Variants in ABLIM1 observed in about 807,000 individuals in gnomAD.
The protein encoded by ABLIM1 is actin binding LIM protein 1.
In ABLIM1, 40 loss-of-function variants were observed where a neutral mutation model predicts 107.0. The ratio of observed to expected loss-of-function variants is 0.37; its 90% confidence interval spans 0.29 to 0.49. The LOEUF (loss-of-function observed/expected upper bound fraction) is 0.49, where lower values mean the gene tolerates loss of function less well. ABLIM1 is among the 20% of genes least tolerant of loss of function. The pLI is 0.97. For synonymous variants in ABLIM1, 357 were observed against 357.3 expected, an observed-to-expected ratio of 1.00 and a Z score of 0.01; for missense variants, 857 against 1,008.5, an observed-to-expected ratio of 0.85 and a Z score of 2.04.
At chr10:114,618,006 G>A (rs2483602) in intron 1 of ABLIM1, among the ~76,000 whole-genome samples, 4,070 of 152,242 alleles carry the variant, frequency 0.027, 176 homozygotes, top group African/African-American at 0.092. Context: ...AATGCATGAT[G>A]GTAATTGCCT....
At chr10:114,493,106 A>G (rs2475228) in intron 6 of ABLIM1, among the ~76,000 whole-genome samples, 85,046 of 152,014 alleles carry the variant, frequency 0.56, 24,847 homozygotes, top group African/African-American at 0.74. Context: ...GTAGGGCTGG[A>G]GGAGAGTGGC....
chr10:114,514,809 A>G (rs1387437077), intron 6 of ABLIM1, among the ~76,000 whole-genome samples: 2 of 152,250 alleles, frequency 1.3e-5, no homozygotes, highest in African/African-American at 4.8e-5. Context: ...CTATTTCTAC[A>G]CTACTGTGAT....
At chr10:114,721,099 G>A (rs1195854693) in intron 1 of ABLIM1, among the ~76,000 whole-genome samples, 1 of 152,204 alleles carries the variant, frequency 6.6e-6, no homozygotes, top group Non-Finnish European at 1.5e-5. Flanking sequence ...GCTCAGTTGA[G>A]ATAAGGAGGG....
chr10:114,641,714 T>C (rs1271943779), intron 1 of ABLIM1, among the ~76,000 whole-genome samples: 1 of 151,760 alleles, frequency 6.6e-6, no homozygotes, highest in African/African-American at 2.4e-5. Flanking sequence ...CCAGACAGAG[T>C]AAGCAGTAAG....
intron 13 of ABLIM1, among the ~76,000 whole-genome samples, chr10:114,452,765 A>G (rs749177263): frequency 1.3e-5 from 2 of 152,208 alleles, no homozygotes; most frequent in Non-Finnish European, 2.9e-5. Flanking sequence ...ATGTCAAATT[A>G]CTATTTGCAT....
chr10:114,440,166 T>C (rs2059988527), intron 19 of ABLIM1, 77 bp from the exon 20 acceptor site: 2 of 1,410,386 alleles, frequency 1.4e-6, no homozygotes, highest in East Asian at 2.3e-5. Flanking sequence ...GACTATATTA[T>C]ATTGAAATTC....
At chr10:114,703,909 C>T (rs2081354738) in intron 1 of ABLIM1, among the ~76,000 whole-genome samples, 1 of 152,160 alleles carries the variant, frequency 6.6e-6, no homozygotes, top group Admixed American at 6.5e-5. Context: ...AGCTTCACTC[C>T]TTTTCAGCAT....
intron 1 of ABLIM1, among the ~76,000 whole-genome samples, chr10:114,693,343 T>C (rs2081123420): frequency 6.6e-6 from 1 of 150,734 alleles, no homozygotes; most frequent in African/African-American, 2.4e-5. Context: ...CCCAATCCTT[T>C]CATTTTAAAA....
At chr10:114,587,968 C>T (rs1181616009) in intron 2 of ABLIM1, among the ~76,000 whole-genome samples, 1 of 152,112 alleles carries the variant, frequency 6.6e-6, no homozygotes, top group African/African-American at 2.4e-5. Context: ...TTATGTATAC[C>T]TTTCAACCCA....
chr10:114,708,193 A>T (rs73373708), intron 1 of ABLIM1, among the ~76,000 whole-genome samples: 6,514 of 152,254 alleles, frequency 0.043, 465 homozygotes, highest in African/African-American at 0.15. Flanking sequence ...ACCTCCAGAC[A>T]AAGTGATCCA....
chr10:114,704,670 A>T (rs759322272), intron 1 of ABLIM1, among the ~76,000 whole-genome samples: 2 of 151,872 alleles, frequency 1.3e-5, no homozygotes, highest in Non-Finnish European at 2.9e-5. Flanking sequence ...ACGGGCAGAG[A>T]AAATGTCTCT....
At chr10:114,580,335 T>C (rs1259063359) in intron 2 of ABLIM1, among the ~76,000 whole-genome samples, 1 of 151,990 alleles carries the variant, frequency 6.6e-6, no homozygotes, top group African/African-American at 2.4e-5. Context: ...GCCTCCCAAG[T>C]AGCTTAGGAC....
At chr10:114,491,679 G>T in intron 7 of ABLIM1, 112 bp downstream of exon 7, 1 of 1,006,936 alleles carries the variant, frequency 9.9e-7, no homozygotes, top group Non-Finnish European at 1.5e-6. Flanking sequence ...TTGGATTTGG[G>T]TAGCCTCACA....
In ABLIM1 at chr10:114,717,991, A is replaced by AAAGGGAGGAAGG. The variant is rs1555227667; in HGVS notation, c.-213+50069_-213+50070insCCTTCCTCCCTT. ...AGAAGGGAAAGAGAAAGAAAGAAAG[A>AAAGGGAGGAAGG]AAGGAAGGAAGGAAGGAAGGAAGGA... On this transcript the variant is annotated intron_variant, in intron 1 of 15. Coordinates refer to the ABLIM1 transcript ENST00000651092. Among the ~76,000 whole-genome samples, 423 of 86,848 alleles carry AAAGGGAGGAAGG rather than the reference A, an allele frequency of 4.9e-3. 1 individual carries two copies. The highest frequency in any genetic ancestry group is 7.2e-3 in the Non-Finnish European group (339 of 47,260). The allele number at this position is 86,848 out of a possible 152,430, so 57.0% of individuals were successfully genotyped here. A position where few individuals can be genotyped will look rare whatever the true frequency, so the allele number is the denominator to read the frequency against.
At chr10:114,588,746 C>T (rs898141450) in intron 2 of ABLIM1, among the ~76,000 whole-genome samples, 3 of 152,022 alleles carry the variant, frequency 2.0e-5, no homozygotes, top group African/African-American at 4.8e-5. Flanking sequence ...CTCAAGTGAT[C>T]CACCAGCCTC....
chr10:114,439,855 C>A lies in ABLIM1; in HGVS notation c.2067+227G>T, dbSNP rs79828132. ...CTCTCCAAGGCCAAAGCAAGAGAGACCCCCTACACCTGGCCTGGTTCATGC... is the reference window on the plus strand; with the variant it reads ...CTCTCCAAGGCCAAAGCAAGAGAGAACCCCTACACCTGGCCTGGTTCATGC... On this transcript the variant is annotated intron_variant, in intron 20 of 22. Transcript: ENST00000533213. The A allele has an allele frequency of 5.1e-3, 3,173 of 627,666 alleles. 12 individuals carry two copies. Among genetic ancestry groups the A allele is most frequent in the Non-Finnish European group, 6.9e-3 (2,566 of 371,298 alleles). 38.9% of individuals were successfully genotyped at this position (627,666 alleles called of 1,614,324 possible). A position where few individuals can be genotyped will look rare whatever the true frequency, so the allele number is the denominator to read the frequency against.
At chr10:114,787,443 G>A in the ABLIM1 span, among the ~76,000 whole-genome samples, 7 of 149,746 alleles carry the variant, frequency 4.7e-5, no homozygotes, top group African/African-American at 1.7e-4. Flanking sequence ...GCCCCATCCG[G>A]GAGGTGAGGG....
intron 1 of ABLIM1, among the ~76,000 whole-genome samples, chr10:114,627,583 G>T (rs1469352241): frequency 1.3e-5 from 2 of 152,106 alleles, no homozygotes; most frequent in African/African-American, 4.8e-5. Flanking sequence ...CCAAAATGGG[G>T]CTTACAGAAT....
At chr10:114,775,874 T>C in the ABLIM1 span, 1 of 152,252 alleles carries the variant, frequency 6.6e-6, no homozygotes, top group Non-Finnish European at 1.5e-5. Context: ...GGCAGAGGGC[T>C]GTTGCTAATA....
Sources: allele counts gnomAD v4.1 joint callset (sites outside exome capture counted in the v4.1 genomes callset), GRCh38; gene constraint gnomAD v4.1.1; transcripts MANE v1.5; gene names NCBI Gene and HGNC (gene_info 2026-07-23, HGNC 2026-07-21).